GRK5: variants seen among roughly 807,000 people sequenced by gnomAD.
GRK5 encodes the protein G protein-coupled receptor kinase 5.
In GRK5, 40 loss-of-function variants were observed where a neutral mutation model predicts 78.4. The observed-to-expected ratio is 0.51, with a 90% CI of 0.40 to 0.66. The LOEUF is 0.66. Among genes scored for constraint, GRK5 ranks in the 30% least tolerant of loss-of-function variants. The probability of loss-of-function intolerance (pLI) is 0.00; values close to 1 mark genes in which losing one functional copy is unlikely to be tolerated. For synonymous variants in GRK5, 289 were observed against 296.8 expected (o/e 0.97, Z 0.27); for missense variants, 598 against 759.9 (o/e 0.79, Z 2.50).
chr10:119,229,311 CACCATTATTTTATAATAAA>C (rs1301185304), intron 1 of GRK5, among the ~76,000 whole-genome samples: 1 of 152,002 alleles, frequency 6.6e-6, no homozygotes, highest in Non-Finnish European at 1.5e-5. Flanking sequence ...TAATAGTAAC[CACCATTATTTTATAATAAA>C]ATGACGGTTG....
intron 1 of GRK5, among the ~76,000 whole-genome samples, chr10:119,228,043 C>T (rs1020089722): frequency 2.0e-5 from 3 of 152,154 alleles, no homozygotes; most frequent in Non-Finnish European, 4.4e-5. Flanking sequence ...TAATTGGAAA[C>T]AGTTCCAATG....
intron 13 of GRK5, among the ~76,000 whole-genome samples, chr10:119,451,411 G>A (rs1033369076): frequency 9.2e-5 from 14 of 152,034 alleles, no homozygotes; most frequent in African/African-American, 2.4e-4. Context: ...GGCCAGCTTC[G>A]TGAGCTTGAC....
At chr10:119,263,968 A>G (rs1849453768) in intron 1 of GRK5, among the ~76,000 whole-genome samples, 2 of 152,090 alleles carry the variant, frequency 1.3e-5, no homozygotes, top group African/African-American at 4.8e-5. Flanking sequence ...AAAAAAATAA[A>G]ACCTTGTTGA....
chr10:119,304,154 A>G (rs1412564526), intron 1 of GRK5, among the ~76,000 whole-genome samples: 2 of 152,134 alleles, frequency 1.3e-5, no homozygotes, highest in African/African-American at 4.8e-5. Context: ...CATGACCAAG[A>G]GGCAGCTTTG....
At chr10:119,402,258 G>C (rs1025205770) in intron 4 of GRK5, among the ~76,000 whole-genome samples, 2 of 152,146 alleles carry the variant, frequency 1.3e-5, no homozygotes, top group Non-Finnish European at 2.9e-5. Flanking sequence ...CTCATCTCTG[G>C]TGCTGATTAG....
chr10:119,275,312 G>T (rs551497750), intron 1 of GRK5, among the ~76,000 whole-genome samples: 34 of 152,250 alleles, frequency 2.2e-4, no homozygotes, highest in African/African-American at 7.9e-4. Context: ...ACTAGAAATG[G>T]GATCAGGTCT....
chr10:119,307,303 C>G (rs34352517), intron 1 of GRK5, among the ~76,000 whole-genome samples: 7,476 of 151,988 alleles, frequency 0.049, 405 homozygotes, highest in Admixed American at 0.15. Flanking sequence ...AATCATGGTC[C>G]CCTAAAGATG....
chr10:119,362,661 A>G (rs1851385412), intron 2 of GRK5, among the ~76,000 whole-genome samples: 1 of 152,180 alleles, frequency 6.6e-6, no homozygotes, highest in Non-Finnish European at 1.5e-5. Flanking sequence ...TGCTTTTGAG[A>G]TTTGGGGACC....
At chr10:119,289,677 C>T (rs1006748711) in intron 1 of GRK5, among the ~76,000 whole-genome samples, 2 of 152,220 alleles carry the variant, frequency 1.3e-5, no homozygotes, top group African/African-American at 2.4e-5. Context: ...GCACGGGCCT[C>T]CCGCTTCCCG....
intron 4 of GRK5, among the ~76,000 whole-genome samples, chr10:119,400,300 C>G (rs1388500978): frequency 6.6e-6 from 1 of 152,196 alleles, no homozygotes; most frequent in Non-Finnish European, 1.5e-5. Context: ...GGAGGTGATG[C>G]TGCTGAATCA....
chr10:119,395,081 G>A (rs1163640176), intron 3 of GRK5, among the ~76,000 whole-genome samples: 5 of 143,740 alleles, frequency 3.5e-5, no homozygotes, highest in African/African-American at 1.0e-4. Context: ...AGGCCAGCGC[G>A]CCAGTCCAGC....
chr10:119,298,911 C>T (rs61874517), intron 1 of GRK5, among the ~76,000 whole-genome samples: 17,450 of 152,178 alleles, frequency 0.11, 1,097 homozygotes, highest in Middle Eastern at 0.17. Context: ...CAGGGCCTCC[C>T]TGACTCTCCC....
Position 119,423,213 on chromosome 10 carries a change from G to A in GRK5, c.387G>A (p.Thr129=), listed in dbSNP as rs763065843. ...TTGGCCAAGACCTGGTCTCCCAGACGGAGGAGAAGCTCCTACAGAAGCCGT... is the reference window on the plus strand; with the variant it reads ...TTGGCCAAGACCTGGTCTCCCAGACAGAGGAGAAGCTCCTACAGAAGCCGT... ...AQVGQDLVSQ[T]EEKLLQKPCK... The change falls in exon 5 of 16, where the codon ACG becomes ACA. Residue 129 remains threonine, a synonymous_variant. Transcript: ENST00000392870. 9.3e-6 allele frequency: 15 copies of A among 1,614,138 alleles called. No individual in the cohort carries two copies. Among genetic ancestry groups the A allele is most frequent in the East Asian group, 2.2e-5 (1 of 44,884 alleles).
chr10:119,221,939 G>A (rs149246906), intron 1 of GRK5, among the ~76,000 whole-genome samples: 1 of 152,156 alleles, frequency 6.6e-6, no homozygotes, highest in Non-Finnish European at 1.5e-5. Context: ...TTCAGTCAAA[G>A]ACTTTAGTTG....
At position 119,448,174 on chromosome 10, in the gene GRK5, G is replaced by T. The variant is rs772770711; in HGVS notation, c.1318G>T (p.Ala440Ser). ...QRLGCQEEGA[A>S]EVKRHPFFRN... ...GCTGGGCTGCCAGGAGGAGGGGGCT[G>T]CAGAGGTCAAGAGACACCCCTTCTT... The change falls in exon 13 of 16, where the codon GCA (alanine) becomes TCA (serine). Residue 440 changes from alanine to serine, a missense_variant. By Grantham distance (99) the Ala-to-Ser change is moderately conservative. Transcript: ENST00000392870. 17 of 1,581,978 alleles carry T rather than the reference G, an allele frequency of 1.1e-5. No homozygotes were observed. Among genetic ancestry groups the T allele is most frequent in the Non-Finnish European group, 1.5e-5 (17 of 1,167,768 alleles).
intron 1 of GRK5, among the ~76,000 whole-genome samples, chr10:119,254,620 C>T (rs1031813083): frequency 1.4e-4 from 21 of 152,042 alleles, no homozygotes; most frequent in Non-Finnish European, 4.4e-5. Flanking sequence ...CATTTCAGCT[C>T]TGTGGCCTGG....
intron 1 of GRK5, among the ~76,000 whole-genome samples, chr10:119,236,380 A>G (rs915716800): frequency 6.6e-6 from 1 of 151,226 alleles, no homozygotes; most frequent in African/African-American, 2.4e-5. Flanking sequence ...TCACCTGGCT[A>G]ATTTTTTGTG....
At chr10:119,250,398 T>C (rs2133752473) in intron 1 of GRK5, among the ~76,000 whole-genome samples, 1 of 152,240 alleles carries the variant, frequency 6.6e-6, no homozygotes, top group South Asian at 2.1e-4. Flanking sequence ...TAACTTTTTC[T>C]TTTTCTTTTA....
chr10:119,261,785 G>T (rs1849409333), intron 1 of GRK5, among the ~76,000 whole-genome samples: 1 of 152,256 alleles, frequency 6.6e-6, no homozygotes, highest in Non-Finnish European at 1.5e-5. Flanking sequence ...TGCAATTGCA[G>T]GCACTCCGCA....
Sources: gnomAD v4.1 joint callset for allele counts (sites outside exome capture counted in the v4.1 genomes callset) on GRCh38, gnomAD v4.1.1 for gene constraint, MANE v1.5 for transcripts, NCBI Gene and HGNC (gene_info 2026-07-23, HGNC 2026-07-21) for gene names.